H2BC10: variants seen among roughly 807,000 people sequenced by gnomAD.
H2BC10 encodes the protein histone H2B type 1-C/E/F/G/I.
Under a neutral mutation model 6.4 loss-of-function variants are expected in H2BC10, and 6 were observed. That is an observed-to-expected ratio of 0.93 (90% CI 0.51 to 1.84). The LOEUF is 1.84. Ranked by LOEUF, H2BC10 falls within the 40% of genes most tolerant of loss-of-function variation. The pLI is 0.01. For missense variants in H2BC10, 191 were observed against 168.7 expected (o/e 1.13, Z -0.73); for synonymous variants, 120 against 72.8 (o/e 1.65, Z -3.30).
rs1454450049 is a variant in H2BC10 at position 26,273,073 on chromosome 6, G to T, written c.98G>T (p.Ser33Ile). Residue 33 changes from serine (S) to isoleucine (I), a missense_variant, in exon 1 of 1, where the codon AGC (serine) becomes ATC (isoleucine). Transcript: ENST00000377733. ...QKKDGKKRKR[S>I]RKESYSVYVY... is the part of the protein sequence containing the mutation. ...AAGGATGGCAAGAAGCGCAAGCGCA[G>T]CCGCAAGGAGAGCTATTCCGTGTAC... The T allele has an allele frequency of 6.2e-7, 1 of 1,614,150 alleles. No individual in the cohort carries two copies. The highest frequency in any genetic ancestry group is 1.3e-5 in the African/African-American group (1 of 74,952).
Position 26,272,966 on chromosome 6 carries a change from G to C in H2BC10, c.-10G>C, listed in dbSNP as rs979476337. ...TGTGGTCATTTGACGGTATCACTTC[G>C]GCTGCGAACATGCCTGAACCAGCTA... On this transcript the variant is annotated 5_prime_UTR_variant, in exon 1 of 1. Transcript: ENST00000377733. The C allele has an allele frequency of 5.0e-6, 8 of 1,613,988 alleles. No individual in the cohort carries two copies. The highest frequency in any genetic ancestry group is 1.7e-5 in the Admixed American group (1 of 59,988).
Position 26,273,013 on chromosome 6 carries a change from A to C in H2BC10, c.38A>C (p.Lys13Thr). 6.2e-7 allele frequency: 1 copy of C among 1,614,192 alleles called. No homozygotes were observed. The highest frequency in any genetic ancestry group is 8.5e-7 in the Non-Finnish European group (1 of 1,180,010). ...GCTAAGTCAGCTCCCGCCCCGAAGA[A>C]GGGCTCCAAGAAGGCGGTGACCAAG... ...EPAKSAPAPK[K>T]GSKKAVTKAQ... The change falls in exon 1 of 1, where the codon AAG becomes ACG. Residue 13 changes from lysine to threonine, a missense_variant. Physicochemically the swap from Lys to Thr is moderately conservative, Grantham distance 78. Transcript: ENST00000377733.
rs776323126 is a variant in H2BC10, at chr6:26,272,945, G to A, written c.-31G>A. On this transcript the variant is annotated 5_prime_UTR_variant, in exon 1 of 1. Coordinates refer to ENST00000377733, the MANE Select transcript of H2BC10 (RefSeq NM_003525.3). ...TTGGGCTCACCAGCATTTTCCTGTG[G>A]TCATTTGACGGTATCACTTCGGCTG... The A allele has an allele frequency of 6.2e-7, 1 of 1,613,694 alleles. No homozygotes were observed. The highest frequency in any genetic ancestry group is 1.1e-5 in the South Asian group (1 of 91,062).
rs747514210 is a variant in H2BC10 at position 26,273,068 on chromosome 6, G to T, written c.93G>T (p.Lys31Asn). The T allele has an allele frequency of 6.2e-7, 1 of 1,614,274 alleles. No individual in the cohort carries two copies. The highest frequency in any genetic ancestry group is 1.7e-5 in the Admixed American group (1 of 60,038). Residue 31 changes from lysine to asparagine, a missense_variant, in exon 1 of 1, where the codon AAG becomes AAT. Lys to Asn is a moderately conservative substitution (Grantham distance 94). Transcript: ENST00000377733. ...AGAAGAAGGATGGCAAGAAGCGCAA[G>T]CGCAGCCGCAAGGAGAGCTATTCCG... ...KAQKKDGKKR[K>N]RSRKESYSVY...
At position 26,273,143 on chromosome 6, in the gene H2BC10, G is replaced by C; in HGVS notation, c.168G>C (p.Ser56=). 1 of 1,614,254 alleles carries C rather than the reference G, an allele frequency of 6.2e-7. No individual in the cohort carries two copies. Among genetic ancestry groups the C allele is most frequent in the South Asian group, 1.1e-5 (1 of 91,086 alleles). Residue 56 remains serine (S), a synonymous_variant, in exon 1 of 1, where the codon TCG becomes TCC. Transcript: ENST00000377733. ...LKQVHPDTGI[S]SKAMGIMNSF... is the part of the protein sequence containing the mutation. Reference sequence around the variant, plus strand: ...AGGTCCACCCCGACACCGGCATCTCGTCCAAGGCTATGGGGATTATGAACT... The same window carrying C: ...AGGTCCACCCCGACACCGGCATCTCCTCCAAGGCTATGGGGATTATGAACT...
chr6:26,273,007 C>G lies in H2BC10; in HGVS notation c.32C>G (p.Pro11Arg), dbSNP rs1324125369. Residue 11 changes from proline to arginine, a missense_variant, in exon 1 of 1, where the codon CCG (proline) becomes CGG (arginine). Pro to Arg is a moderately radical substitution (Grantham distance 103). Coordinates refer to ENST00000377733, the MANE Select transcript of H2BC10 (RefSeq NM_003525.3). MPEPAKSAPA[P>R]KKGSKKAVTK... Reference sequence around the variant, plus strand: ...GAACCAGCTAAGTCAGCTCCCGCCCCGAAGAAGGGCTCCAAGAAGGCGGTG... The same window carrying G: ...GAACCAGCTAAGTCAGCTCCCGCCCGGAAGAAGGGCTCCAAGAAGGCGGTG... 3.7e-6 allele frequency: 6 copies of G among 1,614,042 alleles called. No homozygotes were observed. The highest frequency in any genetic ancestry group is 1.7e-5 in the Admixed American group (1 of 60,000).
Position 26,273,097 on chromosome 6 carries a change from A to T in H2BC10, c.122A>T (p.Tyr41Phe). The change falls in exon 1 of 1, where the codon TAC becomes TTC. Residue 41 changes from tyrosine to phenylalanine, a missense_variant. Tyr to Phe is a conservative substitution (Grantham distance 22). Transcript: ENST00000377733. Reference sequence around the variant, plus strand: ...AGCCGCAAGGAGAGCTATTCCGTGTACGTGTACAAGGTGCTGAAGCAGGTC... The same window carrying T: ...AGCCGCAAGGAGAGCTATTCCGTGTTCGTGTACAAGGTGCTGAAGCAGGTC... ...KRSRKESYSV[Y>F]VYKVLKQVHP... 6.2e-7 allele frequency: 1 copy of T among 1,614,270 alleles called. No individual in the cohort carries two copies. Among genetic ancestry groups the T allele is most frequent in the Non-Finnish European group, 8.5e-7 (1 of 1,180,046 alleles).
At position 26,273,243 on chromosome 6, in the gene H2BC10, A is replaced by G; in HGVS notation, c.268A>G (p.Ile90Val). 1.2e-6 allele frequency: 2 copies of G among 1,614,212 alleles called. No homozygotes were observed. The highest frequency in any genetic ancestry group is 1.7e-6 in the Non-Finnish European group (2 of 1,180,024). ...RLAHYNKRST[I>V]TSREIQTAVR... ...GGCGCATTATAACAAGCGCTCGACC[A>G]TCACTTCCAGGGAGATCCAAACGGC... is the stretch of plus-strand genomic sequence containing the variant. The change falls in exon 1 of 1, where the codon ATC becomes GTC. Residue 90 changes from isoleucine to valine, a missense_variant. By Grantham distance (29) the Ile-to-Val change is conservative. Coordinates refer to ENST00000377733, the MANE Select transcript of H2BC10 (RefSeq NM_003525.3).
chr6:26,273,001 C>T lies in H2BC10; in HGVS notation c.26C>T (p.Pro9Leu). The change falls in exon 1 of 1, where the codon CCC becomes CTC. Residue 9 changes from proline (P) to leucine (L), a missense_variant. Physicochemically the swap from Pro to Leu is moderately conservative, Grantham distance 98. Coordinates refer to ENST00000377733, the MANE Select transcript of H2BC10 (RefSeq NM_003525.3). The stretch of plus-strand genomic sequence containing the variant: ...ATGCCTGAACCAGCTAAGTCAGCTC[C>T]CGCCCCGAAGAAGGGCTCCAAGAAG... MPEPAKSA[P>L]APKKGSKKAV... 6.2e-7 allele frequency: 1 copy of T among 1,614,210 alleles called. No individual in the cohort carries two copies. Among genetic ancestry groups the T allele is most frequent in the South Asian group, 1.1e-5 (1 of 91,090 alleles).
In H2BC10 at chr6:26,272,951, T is replaced by G. The variant is rs752165567; in HGVS notation, c.-25T>G. ...TCACCAGCATTTTCCTGTGGTCATT[T>G]GACGGTATCACTTCGGCTGCGAACA... is the stretch of plus-strand genomic sequence containing the variant. On this transcript the variant is annotated 5_prime_UTR_variant, in exon 1 of 1. Coordinates refer to ENST00000377733, the MANE Select transcript of H2BC10 (RefSeq NM_003525.3). 1 of 1,613,816 alleles carries G rather than the reference T, an allele frequency of 6.2e-7. No homozygotes were observed. The highest frequency in any genetic ancestry group is 1.3e-5 in the African/African-American group (1 of 74,898).
chr6:26,273,346 G>A lies in H2BC10; in HGVS notation c.371G>A (p.Ser124Asn), dbSNP rs769718966. 4 of 1,614,016 alleles carry A rather than the reference G, an allele frequency of 2.5e-6. No individual in the cohort carries two copies. The highest frequency in any genetic ancestry group is 3.4e-6 in the Non-Finnish European group (4 of 1,179,946). ...EGTKAVTKYT[S>N]SK ...ACCAAGGCGGTCACCAAGTACACCA[G>A]CTCCAAGTAAACTAGTTACCTGGGT... Residue 124 changes from serine (S) to asparagine (N), a missense_variant, in exon 1 of 1, where the codon AGC becomes AAC. Transcript: ENST00000377733.
chr6:26,273,189 G>C lies in H2BC10; in HGVS notation c.214G>C (p.Glu72Gln). The C allele has an allele frequency of 6.2e-7, 1 of 1,614,154 alleles. No homozygotes were observed. The highest frequency in any genetic ancestry group is 8.5e-7 in the Non-Finnish European group (1 of 1,180,014). The change falls in exon 1 of 1, where the codon GAG becomes CAG. Residue 72 changes from glutamate (E) to glutamine (Q), a missense_variant. Transcript: ENST00000377733. ...IMNSFVNDIF[E>Q]RIAGEASRLA... ...GAACTCCTTCGTCAACGACATTTTCGAGCGCATTGCAGGCGAGGCTTCCCG... is the reference window on the plus strand; with the variant it reads ...GAACTCCTTCGTCAACGACATTTTCCAGCGCATTGCAGGCGAGGCTTCCCG...
At position 26,272,955 on chromosome 6, in the gene H2BC10, G is replaced by A; in HGVS notation, c.-21G>A. The stretch of plus-strand genomic sequence containing the variant: ...CAGCATTTTCCTGTGGTCATTTGAC[G>A]GTATCACTTCGGCTGCGAACATGCC... On this transcript the variant is annotated 5_prime_UTR_variant, in exon 1 of 1. Transcript: ENST00000377733. 1.9e-6 allele frequency: 3 copies of A among 1,613,916 alleles called. No individual in the cohort carries two copies. The highest frequency in any genetic ancestry group is 2.2e-5 in the East Asian group (1 of 44,878).
In H2BC10 at chr6:26,273,071, C is replaced by T. The variant is rs1173352825; in HGVS notation, c.96C>T (p.Arg32=). The T allele has an allele frequency of 1.9e-6, 3 of 1,614,128 alleles. No homozygotes were observed. The highest frequency in any genetic ancestry group is 2.7e-5 in the African/African-American group (2 of 74,952). Residue 32 remains arginine (R), a synonymous_variant, in exon 1 of 1, where the codon CGC becomes CGT. Coordinates refer to ENST00000377733, the MANE Select transcript of H2BC10 (RefSeq NM_003525.3). Reference sequence around the variant, plus strand: ...AGAAGGATGGCAAGAAGCGCAAGCGCAGCCGCAAGGAGAGCTATTCCGTGT... The same window carrying T: ...AGAAGGATGGCAAGAAGCGCAAGCGTAGCCGCAAGGAGAGCTATTCCGTGT... ...AQKKDGKKRK[R]SRKESYSVYV... is the part of the protein sequence containing the mutation.
At position 26,273,376 on chromosome 6, in the gene H2BC10, G is replaced by T. The variant is rs766936829; in HGVS notation, c.*20G>T. ...AAGTAAACTAGTTACCTGGGTAAAA[G>T]CGCTAACGACCCAAAGGCTCTTCTA... On this transcript the variant is annotated 3_prime_UTR_variant, in exon 1 of 1. Coordinates refer to ENST00000377733, the MANE Select transcript of H2BC10 (RefSeq NM_003525.3). The T allele has an allele frequency of 3.1e-5, 50 of 1,610,308 alleles. No individual in the cohort carries two copies. Among genetic ancestry groups the T allele is most frequent in the Non-Finnish European group, 4.2e-5 (49 of 1,178,446 alleles).
At position 26,273,369 on chromosome 6, in the gene H2BC10, G is replaced by T. The variant is rs531587962; in HGVS notation, c.*13G>T. 1.1e-4 allele frequency: 181 copies of T among 1,611,800 alleles called. No homozygotes were observed. In the South Asian group the frequency reaches 1.8e-3, roughly 16 times the overall value. ...CAGCTCCAAGTAAACTAGTTACCTG[G>T]GTAAAAGCGCTAACGACCCAAAGGC... On this transcript the variant is annotated 3_prime_UTR_variant, in exon 1 of 1. Coordinates refer to ENST00000377733, the MANE Select transcript of H2BC10 (RefSeq NM_003525.3).
rs766685721 is a variant in H2BC10 at position 26,273,299 on chromosome 6, C to G, written c.324C>G (p.Ala108=). Residue 108 remains alanine (A), a synonymous_variant, in exon 1 of 1, where the codon GCC becomes GCG. Coordinates refer to ENST00000377733, the MANE Select transcript of H2BC10 (RefSeq NM_003525.3). ...AVRLLLPGEL[A]KHAVSEGTKA... is the part of the protein sequence containing the mutation. ...GCCTGCTGCTACCCGGGGAGCTGGC[C>G]AAACACGCGGTGTCGGAGGGCACCA... is the stretch of plus-strand genomic sequence containing the variant. 3.1e-6 allele frequency: 5 copies of G among 1,614,198 alleles called. No individual in the cohort carries two copies. In the South Asian group the frequency reaches 5.5e-5, roughly 18 times the overall value.
chr6:26,272,940 C>T lies in H2BC10; in HGVS notation c.-36C>T, dbSNP rs566038749. ...GGCGTTTGGGCTCACCAGCATTTTC[C>T]TGTGGTCATTTGACGGTATCACTTC... On this transcript the variant is annotated 5_prime_UTR_variant, in exon 1 of 1. Coordinates refer to ENST00000377733, the MANE Select transcript of H2BC10 (RefSeq NM_003525.3). 3.7e-6 allele frequency: 6 copies of T among 1,613,460 alleles called. No homozygotes were observed. The Admixed American group carries it at 6.7e-5, about 18-fold the overall frequency.
rs1207268707 is a variant in H2BC10, at chr6:26,273,209, T to G, written c.234T>G (p.Ala78=). Residue 78 remains alanine, a synonymous_variant, in exon 1 of 1, where the codon GCT becomes GCG. Coordinates refer to ENST00000377733, the MANE Select transcript of H2BC10 (RefSeq NM_003525.3). ...TTTTCGAGCGCATTGCAGGCGAGGC[T>G]TCCCGCCTGGCGCATTATAACAAGC... The part of the protein sequence containing the change: ...NDIFERIAGE[A]SRLAHYNKRS... The G allele has an allele frequency of 5.0e-6, 8 of 1,614,108 alleles. No homozygotes were observed. The highest frequency in any genetic ancestry group is 6.8e-6 in the Non-Finnish European group (8 of 1,180,044).
Sources: allele counts gnomAD v4.1 joint callset, GRCh38; gene constraint gnomAD v4.1.1; transcripts MANE v1.5; gene names NCBI Gene and HGNC (gene_info 2026-07-23, HGNC 2026-07-21).